Variants in BCAS3 observed in about 807,000 individuals in gnomAD.
BCAS3 encodes the protein BCAS4/BCAS3 fusion.
A neutral mutation model predicts 116.1 loss-of-function variants in BCAS3; 53 were observed. That is an observed-to-expected ratio of 0.46 (90% CI 0.37 to 0.57). BCAS3 has a LOEUF of 0.57. BCAS3 is among the 20% of genes least tolerant of loss of function. The pLI, the probability that BCAS3 is intolerant of heterozygous loss-of-function variation, is 0.00. For missense variants in BCAS3, 917 were observed against 1,165.4 expected, an observed-to-expected ratio of 0.79 and a Z score of 3.10; for synonymous variants, 391 against 408.2, an observed-to-expected ratio of 0.96 and a Z score of 0.51.
rs187296539 is a variant in BCAS3 at position 61,191,550 on chromosome 17, C to T, written c.2425+106986C>T. Reference sequence around the variant, plus strand: ...CAGTGCTTTGGGAGTCCGAGGCGGGCGGATCACGAGGTCAGGAGATTGAGA... The same window carrying T: ...CAGTGCTTTGGGAGTCCGAGGCGGGTGGATCACGAGGTCAGGAGATTGAGA... On this transcript the variant is annotated intron_variant, in intron 22 of 23. Transcript: ENST00000407086. Among the ~76,000 whole-genome samples the T allele has an allele frequency of 1.3e-3, 198 of 151,128 alleles. 4 individuals carry two copies. Among genetic ancestry groups the T allele is most frequent in the Admixed American group, 9.3e-3 (142 of 15,200 alleles).
chr17:61,351,351 A>G (rs1437205378), intron 22 of BCAS3, among the ~76,000 whole-genome samples: 1 of 152,176 alleles, frequency 6.6e-6, no homozygotes, highest in Non-Finnish European at 1.5e-5. Flanking sequence ...TTATCCTTAC[A>G]TCTCAAAGTA....
At chr17:60,767,340 CTTTTT>C (rs779804407) in intron 6 of BCAS3, among the ~76,000 whole-genome samples, 27 of 116,436 alleles carry the variant, frequency 2.3e-4, no homozygotes, top group African/African-American at 8.3e-4. Flanking sequence ...CTCAGAAGTC[CTTTTT>C]TTTTTTTTTT....
intron 22 of BCAS3, among the ~76,000 whole-genome samples, chr17:61,103,743 A>G (rs1007574394): frequency 6.6e-6 from 1 of 152,290 alleles, no homozygotes; most frequent in Non-Finnish European, 1.5e-5. Context: ...GCTCCCTCAC[A>G]GCAACTATCT....
chr17:61,234,164 A>G (rs1378423764), intron 22 of BCAS3, among the ~76,000 whole-genome samples: 1 of 152,238 alleles, frequency 6.6e-6, no homozygotes, highest in African/African-American at 2.4e-5. Flanking sequence ...CCCAGAATGC[A>G]TGGAGCAAGA....
At position 61,238,142 on chromosome 17, in the gene BCAS3, T is replaced by A. The variant is rs547853032; in HGVS notation, c.2426-130185T>A. On this transcript the variant is annotated intron_variant, in intron 22 of 23. Transcript: ENST00000407086. ...ATCTTGGCTCACTGCAAACTCCACC[T>A]CCTGGGTTCAAGCGATTTTCCTACC... 3.3e-5 allele frequency among the ~76,000 whole-genome samples: 5 copies of A among 152,206 alleles called. No individual in the cohort carries two copies. In the East Asian group the frequency reaches 5.8e-4, roughly 18 times the overall value.
Position 61,244,062 on chromosome 17 carries a change from G to A in BCAS3, c.2426-124265G>A, listed in dbSNP as rs1034612898. Among the ~76,000 whole-genome samples, 2 of 152,056 alleles carry A rather than the reference G, an allele frequency of 1.3e-5. No homozygotes were observed. The highest frequency in any genetic ancestry group is 6.6e-5 in the Admixed American group (1 of 15,260). On this transcript the variant is annotated intron_variant, in intron 22 of 23. Transcript: ENST00000407086. The surrounding 1 kb of genome is among the most constrained non-coding windows in gnomAD (Gnocchi z 4.9). ...CTGTCTCAGCCTCCCAAAGGGATGA[G>A]TTTTAATATGCTAATTACTTCAAGT...
At chr17:61,190,973 A>G (rs2080077483) in intron 22 of BCAS3, among the ~76,000 whole-genome samples, 1 of 152,136 alleles carries the variant, frequency 6.6e-6, no homozygotes, top group East Asian at 1.9e-4. Flanking sequence ...CAAAAGACTG[A>G]GGCAGGATGA....
intron 7 of BCAS3, among the ~76,000 whole-genome samples, chr17:60,825,165 CAA>C (rs796973382): frequency 2.6e-4 from 29 of 110,186 alleles, no homozygotes; most frequent in Admixed American, 6.9e-4. Flanking sequence ...GAACCTGTCT[CAA>C]AAAAAAAAAA....
At chr17:60,920,182 C>G (rs2058998005) in intron 12 of BCAS3, among the ~76,000 whole-genome samples, 1 of 152,106 alleles carries the variant, frequency 6.6e-6, no homozygotes, top group South Asian at 2.1e-4. Context: ...TTTTTGACAT[C>G]TGCTTTGGTA....
chr17:60,877,668 G>C (rs974942578), intron 9 of BCAS3, among the ~76,000 whole-genome samples: 1 of 152,204 alleles, frequency 6.6e-6, no homozygotes, highest in Non-Finnish European at 1.5e-5. Flanking sequence ...GGGATCAACA[G>C]TGTTTGTGGT....
chr17:60,807,992 C>T lies in BCAS3; in HGVS notation c.404-12C>T. The T allele has an allele frequency of 6.4e-7, 1 of 1,573,160 alleles. No individual in the cohort carries two copies. The highest frequency in any genetic ancestry group is 8.7e-7 in the Non-Finnish European group (1 of 1,148,156). On this transcript the variant is annotated splice_polypyrimidine_tract_variant and intron_variant, in intron 6 of 23. Coordinates refer to ENST00000407086, the MANE Select transcript of BCAS3 (RefSeq NM_017679.5). Reference sequence around the variant, plus strand: ...CCTCAAAGCTTACAATTTATTTTATCCTTCCTGTCAGGTGCTCAAAAATGT... The same window carrying T: ...CCTCAAAGCTTACAATTTATTTTATTCTTCCTGTCAGGTGCTCAAAAATGT...
At chr17:60,719,815 G>A (rs1010723443) in intron 5 of BCAS3, among the ~76,000 whole-genome samples, 5 of 152,192 alleles carry the variant, frequency 3.3e-5, no homozygotes, top group Non-Finnish European at 7.3e-5. Context: ...GATGTTGAGA[G>A]CCTGAACTAA....
intron 15 of BCAS3, among the ~76,000 whole-genome samples, chr17:61,015,506 C>T (rs770610938): frequency 6.6e-6 from 1 of 152,018 alleles, no homozygotes; most frequent in African/African-American, 2.4e-5. Context: ...CCCAGGCTGG[C>T]CTCAAACTCC....
At chr17:60,810,392 G>A in intron 7 of BCAS3, 1 of 476,090 alleles carries the variant, frequency 2.1e-6, no homozygotes, top group East Asian at 4.8e-5. Context: ...GGACTGAGAG[G>A]CATCCAGAAT....
intron 2 of BCAS3, among the ~76,000 whole-genome samples, chr17:60,682,026 G>A (rs1055866754): frequency 2.0e-5 from 3 of 152,026 alleles, no homozygotes; most frequent in African/African-American, 2.4e-5. Context: ...CACCGCGCCC[G>A]GCCTAATTTT....
chr17:61,061,572 A>T (rs1283546156), intron 19 of BCAS3, among the ~76,000 whole-genome samples: 5 of 152,210 alleles, frequency 3.3e-5, no homozygotes, highest in Non-Finnish European at 5.9e-5. Flanking sequence ...ACACAATTTA[A>T]TGACCAAAAA....
At position 61,106,658 on chromosome 17, in the gene BCAS3, C is replaced by T. The variant is rs1026353964; in HGVS notation, c.2425+22094C>T. 4.6e-5 allele frequency among the ~76,000 whole-genome samples: 7 copies of T among 152,074 alleles called. No individual in the cohort carries two copies. The highest frequency in any genetic ancestry group is 3.9e-4 in the East Asian group (2 of 5,194). ...GGAACGTATCCCCATAGATAAGGAG[C>T]GGGGGACAGTTGTAGAATAAATTAT... On this transcript the variant is annotated intron_variant, in intron 22 of 23. Transcript: ENST00000407086. The surrounding 1 kb of genome is among the most constrained non-coding windows in gnomAD (Gnocchi z 4.2).
chr17:60,730,424 C>G (rs1218180305), intron 5 of BCAS3, among the ~76,000 whole-genome samples: 2 of 152,266 alleles, frequency 1.3e-5, no homozygotes, highest in African/African-American at 2.4e-5. Flanking sequence ...AATATCTGTT[C>G]TATAAGTTGT....
chr17:61,246,332 T>C (rs1361666480), intron 22 of BCAS3, among the ~76,000 whole-genome samples: 1 of 151,608 alleles, frequency 6.6e-6, no homozygotes, highest in Non-Finnish European at 1.5e-5. Context: ...AATACAAAAA[T>C]TAGCCAGTCA....
Sources: allele counts gnomAD v4.1 joint callset (sites outside exome capture counted in the v4.1 genomes callset), GRCh38; gene constraint gnomAD v4.1.1; non-coding constraint Gnocchi (gnomAD v3.1); transcripts MANE v1.5; gene names NCBI Gene and HGNC (gene_info 2026-07-23, HGNC 2026-07-21).